XIRP2: variants seen among roughly 807,000 people sequenced by gnomAD.
The protein encoded by XIRP2 is xin actin binding repeat containing 2, also known as xin actin-binding repeat-containing protein 2.
Under a neutral mutation model 277.0 loss-of-function variants are expected in XIRP2, and 236 were observed. The ratio of observed to expected loss-of-function variants is 0.85; its 90% CI spans 0.77 to 0.95. The LOEUF is 0.95. Among genes scored for constraint, XIRP2 ranks in the 40% least tolerant of loss-of-function variants. The pLI is 0.00. For missense variants in XIRP2, 4,640 were observed against 4,157.5 expected, an observed-to-expected ratio of 1.12 and a Z score of -3.19; for synonymous variants, 1,490 against 1,416.5, an observed-to-expected ratio of 1.05 and a Z score of -1.17.
chr2:167,042,561 TATCTC>T (rs1050757826), intron 2 of XIRP2, among the ~76,000 whole-genome samples: 1 of 152,126 alleles, frequency 6.6e-6, no homozygotes, highest in Non-Finnish European at 1.5e-5. Context: ...TTGCCATTCT[TATCTC>T]AGAGAAAACA....
intron 2 of XIRP2, among the ~76,000 whole-genome samples, chr2:167,084,228 T>C (rs2105266106): frequency 6.6e-6 from 1 of 152,300 alleles, no homozygotes; most frequent in Non-Finnish European, 1.5e-5. Context: ...GTTCTGTTTA[T>C]ATGCTGGATT....
chr2:166,894,127 A>G (rs1208650483), intron 1 of XIRP2, among the ~76,000 whole-genome samples: 1 of 152,152 alleles, frequency 6.6e-6, no homozygotes, highest in African/African-American at 2.4e-5. Flanking sequence ...TATCATTATA[A>G]TTAGACATAA....
Position 167,248,193 on chromosome 2 carries a change from G to A in XIRP2, c.6801G>A (p.Met2267Ile), listed in dbSNP as rs922844049. 1.9e-6 allele frequency: 3 copies of A among 1,613,718 alleles called. No individual in the cohort carries two copies. The highest frequency in any genetic ancestry group is 2.5e-6 in the Non-Finnish European group (3 of 1,179,782). ...TNTSTGLKMA[M>I]ERSLNPINFN... ...CTTCCACAGGCTTAAAAATGGCAAT[G>A]GAAAGGTCCTTGAATCCAATCAACT... The change falls in exon 9 of 11, where the codon ATG (methionine) becomes ATA (isoleucine). Residue 2267 changes from methionine to isoleucine, a missense_variant. Transcript: ENST00000409195.
chr2:167,090,063 G>A (rs1220103768), intron 2 of XIRP2, among the ~76,000 whole-genome samples: 5 of 152,076 alleles, frequency 3.3e-5, no homozygotes, highest in African/African-American at 9.7e-5. Flanking sequence ...TGCCAACTCA[G>A]TGAAGAGGGA....
Position 167,259,494 on chromosome 2 carries a change from A to G in XIRP2, c.*1677A>G, listed in dbSNP as rs1695783779. ...CATGGTGTTCAGAAATCTCGTGTCT[A>G]TCTCAATGGGATATTTCTTGTATTA... On this transcript the variant is annotated 3_prime_UTR_variant, in exon 11 of 11. Transcript: ENST00000409195. 8 of 861,390 alleles carry G rather than the reference A, an allele frequency of 9.3e-6. No individual in the cohort carries two copies. The South Asian group carries it at 1.5e-4, about 16-fold the overall frequency. 53.4% of individuals were successfully genotyped at this position (861,390 alleles called of 1,614,324 possible). A position where few individuals can be genotyped will look rare whatever the true frequency, so the allele number is the denominator to read the frequency against.
At chr2:167,132,565 A>G (rs1303468638) in intron 2 of XIRP2, among the ~76,000 whole-genome samples, 1 of 149,670 alleles carries the variant, frequency 6.7e-6, no homozygotes, top group Admixed American at 6.6e-5. Flanking sequence ...AACATTCAAT[A>G]ACTTCCCATT....
intron 3 of XIRP2, among the ~76,000 whole-genome samples, chr2:167,207,691 T>C (rs1352363616): frequency 6.6e-6 from 1 of 152,124 alleles, no homozygotes; most frequent in Non-Finnish European, 1.5e-5. Context: ...GAAAAAAAGA[T>C]CTCTAGTCAC....
intron 2 of XIRP2, among the ~76,000 whole-genome samples, chr2:167,091,063 A>G (rs1486262272): frequency 6.6e-6 from 1 of 152,148 alleles, no homozygotes; most frequent in African/African-American, 2.4e-5. Context: ...GTTTTCTAAC[A>G]TGGTTTCTAA....
In XIRP2 at chr2:167,245,070, AAAAAC is replaced by A; in HGVS notation, c.3679_3683del (p.Lys1227Ter). On this transcript the variant is annotated frameshift_variant, in exon 9 of 11. Transcript: ENST00000409195. LOFTEE classifies it high-confidence loss of function. ...AAGTTTTGAAAAAGATCAAAACCTT[AAAAAC>A]TGAAGATATTCAGAAAGGCAATGTT... The A allele has an allele frequency of 6.2e-7, 1 of 1,610,490 alleles. No individual in the cohort carries two copies. Among genetic ancestry groups the A allele is most frequent in the Non-Finnish European group, 8.5e-7 (1 of 1,178,998 alleles).
intron 3 of XIRP2, among the ~76,000 whole-genome samples, chr2:167,179,002 ACT>A (rs1219835871): frequency 6.6e-6 from 1 of 151,822 alleles, no homozygotes. Flanking sequence ...GCTTTTCTCC[ACT>A]CTCGATAGTA....
intron 2 of XIRP2, among the ~76,000 whole-genome samples, chr2:166,997,400 CA>C (rs1045661388): frequency 2.0e-5 from 3 of 151,968 alleles, no homozygotes; most frequent in Admixed American, 6.6e-5. Flanking sequence ...AACAGCTACA[CA>C]AAAAAATGTT....
At chr2:166,895,464 G>C (rs1318287561) in intron 1 of XIRP2, among the ~76,000 whole-genome samples, 1 of 152,114 alleles carries the variant, frequency 6.6e-6, no homozygotes, top group Admixed American at 6.6e-5. Context: ...AAGGTGGTAG[G>C]TGGGTCCCAC....
chr2:167,232,738 C>A (rs1302122481), intron 5 of XIRP2, among the ~76,000 whole-genome samples: 1 of 151,794 alleles, frequency 6.6e-6, no homozygotes, highest in East Asian at 1.9e-4. Flanking sequence ...CTGAGATAGG[C>A]AGTATTATTA....
chr2:167,139,899 T>C (rs1476269425), intron 3 of XIRP2, among the ~76,000 whole-genome samples: 5 of 152,212 alleles, frequency 3.3e-5, no homozygotes, highest in Admixed American at 3.3e-4. Flanking sequence ...GTAATGTTCA[T>C]GTAAATCGTC....
intron 2 of XIRP2, among the ~76,000 whole-genome samples, chr2:166,933,604 T>C (rs1055356567): frequency 6.6e-6 from 1 of 152,064 alleles, no homozygotes; most frequent in South Asian, 2.1e-4. Flanking sequence ...ATATATAAGT[T>C]TAATTCATTC....
chr2:167,073,919 CAGCTT>C (rs1175229887), intron 2 of XIRP2, among the ~76,000 whole-genome samples: 1 of 152,150 alleles, frequency 6.6e-6, no homozygotes. Flanking sequence ...TTGCATAGTT[CAGCTT>C]AGAATTTTTA....
At chr2:167,233,883 G>A (rs16853290) in intron 5 of XIRP2, among the ~76,000 whole-genome samples, 26,149 of 151,276 alleles carry the variant, frequency 0.17, 2,738 homozygotes, top group African/African-American at 0.3. Context: ...ATACATCTAC[G>A]TAAAACTTCT....
chr2:167,026,112 G>A (rs1398249363), intron 2 of XIRP2, among the ~76,000 whole-genome samples: 5 of 152,120 alleles, frequency 3.3e-5, no homozygotes, highest in Non-Finnish European at 7.3e-5. Context: ...AGGTCACTCA[G>A]GACTTGCTTT....
chr2:166,892,809 A>T (rs1271183304), intron 1 of XIRP2, among the ~76,000 whole-genome samples: 2 of 40,630 alleles, frequency 4.9e-5, no homozygotes, highest in Non-Finnish European at 8.4e-5. Flanking sequence ...TTCATAGAAG[A>T]TATATATATA....
Sources: gnomAD v4.1 joint callset for allele counts (sites outside exome capture counted in the v4.1 genomes callset) on GRCh38, gnomAD v4.1.1 for gene constraint, MANE v1.5 for transcripts, NCBI Gene and HGNC (gene_info 2026-07-23, HGNC 2026-07-21) for gene names.